The following PRIM2 variants were observed in gnomAD, a reference collection of about 807,000 sequenced individuals.
PRIM2 encodes the protein DNA primase large subunit.
Under a neutral mutation model 67.3 loss-of-function variants are expected in PRIM2, and 39 were observed. The ratio of observed to expected loss-of-function variants is 0.58; its 90% CI spans 0.45 to 0.76. The LOEUF is 0.76. Ranked by LOEUF, PRIM2 falls within the 30% of genes least tolerant of loss-of-function variation. PRIM2 has a pLI of 0.00. For synonymous variants in PRIM2, 143 were observed against 198.7 expected, an observed-to-expected ratio of 0.72 and a Z score of 2.36; for missense variants, 398 against 598.7, an observed-to-expected ratio of 0.66 and a Z score of 3.50.
chr6:57,396,108 A>G (rs1273458926), intron 7 of PRIM2, among the ~76,000 whole-genome samples: 1 of 152,160 alleles, frequency 6.6e-6, no homozygotes, highest in African/African-American at 2.4e-5. Context: ...TCTATGTGCT[A>G]TTGAATAGAA....
chr6:57,642,434 T>TC (rs1777256418), intron 13 of PRIM2, among the ~76,000 whole-genome samples: 2 of 125,468 alleles, frequency 1.6e-5, no homozygotes, highest in East Asian at 2.6e-4. Context: ...AAATATTATA[T>TC]CTTTTTTTTT....
At chr6:57,328,006 A>G (rs1767925545) in intron 5 of PRIM2, among the ~76,000 whole-genome samples, 1 of 152,130 alleles carries the variant, frequency 6.6e-6, no homozygotes, top group South Asian at 2.1e-4. Flanking sequence ...GCACTCCTAT[A>G]AGAATCTAAT....
chr6:57,510,608 C>A (rs2127460698), intron 8 of PRIM2, among the ~76,000 whole-genome samples: 1 of 152,192 alleles, frequency 6.6e-6, no homozygotes, highest in South Asian at 2.1e-4. Flanking sequence ...GGACTAGATG[C>A]TACATGTAAT....
Position 57,600,393 on chromosome 6 carries a change from A to C in PRIM2, c.1021-700A>C, listed in dbSNP as rs1345872976. ...TTATATTTTGAGACTGGGTCTCACT[A>C]TGTTGCCCAGGCTGAAGTACAGTGG... On this transcript the variant is annotated intron_variant, in intron 10 of 13. Coordinates refer to ENST00000615550, the MANE Select transcript of PRIM2 (RefSeq NM_000947.5). 2.6e-5 allele frequency among the ~76,000 whole-genome samples: 4 copies of C among 151,758 alleles called. No individual in the cohort carries two copies. The East Asian group carries it at 7.7e-4, about 29-fold the overall frequency.
At chr6:57,236,094 T>C in the PRIM2 span, among the ~76,000 whole-genome samples, 1 of 152,254 alleles carries the variant, frequency 6.6e-6, no homozygotes, top group Non-Finnish European at 1.5e-5. Flanking sequence ...ATAGCAACAA[T>C]AGGAGACTAT....
chr6:57,619,821 T>C (rs1400111118), intron 12 of PRIM2, among the ~76,000 whole-genome samples: 1 of 152,154 alleles, frequency 6.6e-6, no homozygotes, highest in Non-Finnish European at 1.5e-5. Context: ...AAGAAGACAA[T>C]TCTAAAAGCT....
At chr6:57,318,273 C>A in intron 1 of PRIM2, 164 bp from the exon 2 acceptor site, 1 of 206,064 alleles carries the variant, frequency 4.9e-6, no homozygotes, top group Non-Finnish European at 8.5e-6. Context: ...AATCTGGAAA[C>A]GAGAGAAGGA....
At chr6:57,318,718 A>G (rs1767557258) in intron 2 of PRIM2, 119 bp downstream of exon 2, 2 of 815,908 alleles carry the variant, frequency 2.5e-6, no homozygotes, top group Non-Finnish European at 1.9e-6. Flanking sequence ...GTATTTATTG[A>G]GGTAATTCAT....
intron 8 of PRIM2, among the ~76,000 whole-genome samples, chr6:57,517,944 A>T (rs1774520877): frequency 6.6e-6 from 1 of 152,200 alleles, no homozygotes; most frequent in Non-Finnish European, 1.5e-5. Flanking sequence ...GGTCTATGGC[A>T]TAGTCTTGTG....
intron 7 of PRIM2, among the ~76,000 whole-genome samples, chr6:57,438,135 A>G (rs1039177819): frequency 6.6e-6 from 1 of 152,130 alleles, no homozygotes; most frequent in Non-Finnish European, 1.5e-5. Flanking sequence ...GAATCAACTA[A>G]AAATCCATTA....
intron 7 of PRIM2, among the ~76,000 whole-genome samples, chr6:57,427,813 G>A (rs1771682112): frequency 6.6e-6 from 1 of 152,184 alleles, no homozygotes; most frequent in Non-Finnish European, 1.5e-5. Flanking sequence ...GAGATCAGAA[G>A]TCAGAATTCT....
intron 7 of PRIM2, among the ~76,000 whole-genome samples, chr6:57,499,197 C>A (rs1482618269): frequency 6.6e-6 from 1 of 152,222 alleles, no homozygotes; most frequent in Non-Finnish European, 1.5e-5. Flanking sequence ...AACTTCAAGT[C>A]TATCGGCAAA....
chr6:57,371,427 G>A (rs1769554165), intron 5 of PRIM2, among the ~76,000 whole-genome samples: 1 of 152,118 alleles, frequency 6.6e-6, no homozygotes, highest in Non-Finnish European at 1.5e-5. Context: ...ACAATATTAG[G>A]ACAAACATCT....
intron 5 of PRIM2, among the ~76,000 whole-genome samples, chr6:57,366,276 C>T (rs10949026): frequency 6.6e-5 from 10 of 151,536 alleles, no homozygotes; most frequent in Admixed American, 1.3e-4. Flanking sequence ...AGACATGGTG[C>T]GCTATAGGAA....
the PRIM2 span, among the ~76,000 whole-genome samples, chr6:57,235,589 C>T: frequency 6.6e-6 from 1 of 152,258 alleles, no homozygotes; most frequent in Non-Finnish European, 1.5e-5. Flanking sequence ...ATGCCCCAAT[C>T]TCTTCTACCA....
the PRIM2 span, among the ~76,000 whole-genome samples, chr6:57,241,184 A>C: frequency 6.7e-6 from 1 of 150,270 alleles, no homozygotes; most frequent in East Asian, 2.0e-4. Context: ...AGATTGCGCC[A>C]GTGCACTCCA....
intron 7 of PRIM2, among the ~76,000 whole-genome samples, chr6:57,437,865 A>G (rs1422950960): frequency 6.6e-6 from 1 of 152,020 alleles, no homozygotes; most frequent in African/African-American, 2.4e-5. Flanking sequence ...GGGTTTCACC[A>G]TGTTGCCCAG....
At chr6:57,423,095 A>T (rs1224854750) in intron 7 of PRIM2, among the ~76,000 whole-genome samples, 2 of 152,078 alleles carry the variant, frequency 1.3e-5, no homozygotes, top group African/African-American at 4.8e-5. Context: ...GACAACAAAA[A>T]CCTAGTAGCC....
intron 7 of PRIM2, among the ~76,000 whole-genome samples, chr6:57,422,154 C>CTTTTTTTTT (rs1177401174): frequency 1.8e-5 from 1 of 54,486 alleles, no homozygotes; most frequent in Non-Finnish European, 4.3e-5. Context: ...TATTTCTTTT[C>CTTTTTTTTT]TTTCTTTTTT....
Sources: gnomAD v4.1 joint callset for allele counts (sites outside exome capture counted in the v4.1 genomes callset) on GRCh38, gnomAD v4.1.1 for gene constraint, MANE v1.5 for transcripts, NCBI Gene and HGNC (gene_info 2026-07-23, HGNC 2026-07-21) for gene names.